FHOD3: variants seen among roughly 807,000 people sequenced by gnomAD.
FHOD3 encodes FH1/FH2 domain-containing protein 3.
In FHOD3, 90 loss-of-function variants were observed where a neutral mutation model predicts 173.0. The ratio of observed to expected loss-of-function variants is 0.52; its 90% CI spans 0.44 to 0.62. The LOEUF (loss-of-function observed/expected upper bound fraction) is 0.62, where lower values mean the gene tolerates loss of function less well. Among genes scored for constraint, FHOD3 ranks in the 20% least tolerant of loss-of-function variants. FHOD3 has a pLI of 0.00. For missense variants in FHOD3, 1,945 were observed against 2,034.7 expected (o/e 0.96, Z 0.85); for synonymous variants, 828 against 823.0 (o/e 1.01, Z -0.10).
chr18:36,461,301 A>G (rs576438511), intron 3 of FHOD3, among the ~76,000 whole-genome samples: 2 of 152,138 alleles, frequency 1.3e-5, no homozygotes, highest in East Asian at 3.9e-4. Context: ...GAAGGAACTC[A>G]CCAATAATGG....
chr18:36,405,040 C>T (rs1355767394), intron 3 of FHOD3, among the ~76,000 whole-genome samples: 1 of 152,194 alleles, frequency 6.6e-6, no homozygotes, highest in East Asian at 1.9e-4. Flanking sequence ...CTGAGAACCA[C>T]TGAGCTAAGG....
chr18:36,563,586 C>G (rs1167286813), intron 5 of FHOD3, among the ~76,000 whole-genome samples: 1 of 152,206 alleles, frequency 6.6e-6, no homozygotes, highest in Non-Finnish European at 1.5e-5. Flanking sequence ...ACTTGTCTTC[C>G]ATCTTATGAC....
At chr18:36,307,013 G>A (rs548048740) in intron 1 of FHOD3, among the ~76,000 whole-genome samples, 1 of 152,226 alleles carries the variant, frequency 6.6e-6, no homozygotes, top group South Asian at 2.1e-4. Context: ...GCCCAGGCTG[G>A]CATGCAGTGG....
At chr18:36,387,367 TAGCCCTGC>T (rs1203676653) in intron 3 of FHOD3, among the ~76,000 whole-genome samples, 1 of 152,210 alleles carries the variant, frequency 6.6e-6, no homozygotes, top group African/African-American at 2.4e-5. Flanking sequence ...TGGCATCTGG[TAGCCCTGC>T]AGGTTTTCAT....
At chr18:36,639,008 C>T (rs1014834093) in intron 10 of FHOD3, among the ~76,000 whole-genome samples, 1 of 152,150 alleles carries the variant, frequency 6.6e-6, no homozygotes, top group African/African-American at 2.4e-5. Context: ...TCTTCCATTC[C>T]AGTGTATTTT....
rs537059987 is a variant in FHOD3 at position 36,770,400 on chromosome 18, T to A, written c.4786+974T>A. Among the ~76,000 whole-genome samples, 4 of 152,244 alleles carry A rather than the reference T, an allele frequency of 2.6e-5. No individual in the cohort carries two copies. In the South Asian group the frequency reaches 8.3e-4, roughly 32 times the overall value. Reference sequence around the variant, plus strand: ...AGATTCACACAGGAGGTGACCAGGGTGTGGCCTGTGTATGTTGGACCCAGT... The same window carrying A: ...AGATTCACACAGGAGGTGACCAGGGAGTGGCCTGTGTATGTTGGACCCAGT... On this transcript the variant is annotated intron_variant, in intron 28 of 28. Coordinates refer to ENST00000590592, the MANE Select transcript of FHOD3 (RefSeq NM_001281740.3).
intron 6 of FHOD3, among the ~76,000 whole-genome samples, chr18:36,593,236 G>T (rs967966339): frequency 6.6e-6 from 1 of 152,212 alleles, no homozygotes; most frequent in African/African-American, 2.4e-5. Context: ...AATCCCAGTG[G>T]TGGTGATGGA....
intron 24 of FHOD3, 125 bp downstream of exon 24, chr18:36,747,260 C>T: frequency 3.2e-6 from 2 of 618,688 alleles, no homozygotes; most frequent in Middle Eastern, 4.5e-4. Context: ...ATAGCAAGTA[C>T]ACTGATGATA....
At chr18:36,597,954 A>G (rs936767679) in intron 7 of FHOD3, among the ~76,000 whole-genome samples, 1 of 152,210 alleles carries the variant, frequency 6.6e-6, no homozygotes, top group Non-Finnish European at 1.5e-5. Context: ...TTCTACTGCT[A>G]GTAGAATTGT....
At chr18:36,737,297 G>A (rs1023536242) in intron 20 of FHOD3, among the ~76,000 whole-genome samples, 12 of 152,224 alleles carry the variant, frequency 7.9e-5, no homozygotes, top group African/African-American at 1.2e-4. Flanking sequence ...AGTGTTGACA[G>A]TTTTTCATTT....
At chr18:36,608,759 C>T (rs1361515196) in intron 8 of FHOD3, among the ~76,000 whole-genome samples, 1 of 152,138 alleles carries the variant, frequency 6.6e-6, no homozygotes, top group African/African-American at 2.4e-5. Flanking sequence ...GTAAGTAACC[C>T]TTTGAGGCTG....
intron 3 of FHOD3, among the ~76,000 whole-genome samples, chr18:36,492,285 C>A (rs185506234): frequency 1.6e-4 from 24 of 152,278 alleles, no homozygotes; most frequent in Admixed American, 1.4e-3. Flanking sequence ...CATCCCCAGG[C>A]TCACAGGTTC....
At chr18:36,439,521 ATGTGTGTGTGTGTG>A (rs33931333) in intron 3 of FHOD3, among the ~76,000 whole-genome samples, 1,990 of 144,808 alleles carry the variant, frequency 0.014, 42 homozygotes, top group African/African-American at 0.046. Flanking sequence ...AACCAATAGA[ATGTGTGTGTGTGTG>A]TGTGTGTGTG....
At chr18:36,359,901 T>G (rs2046528237) in intron 2 of FHOD3, among the ~76,000 whole-genome samples, 1 of 152,240 alleles carries the variant, frequency 6.6e-6, no homozygotes, top group African/African-American at 2.4e-5. Context: ...TTAGCCTCTG[T>G]TATAATTACA....
intron 3 of FHOD3, among the ~76,000 whole-genome samples, chr18:36,500,823 G>A (rs758791130): frequency 9.9e-5 from 15 of 152,160 alleles, no homozygotes; most frequent in Non-Finnish European, 1.8e-4. Flanking sequence ...GTAAACATGC[G>A]TTGGGTGATT....
intron 10 of FHOD3, among the ~76,000 whole-genome samples, chr18:36,634,446 A>G (rs2034733783): frequency 6.6e-6 from 1 of 152,170 alleles, no homozygotes. Context: ...TGCCAGGATT[A>G]GAGAATTCAT....
chr18:36,698,748 A>T (rs2149550147), intron 17 of FHOD3, among the ~76,000 whole-genome samples: 1 of 152,360 alleles, frequency 6.6e-6, no homozygotes, highest in African/African-American at 2.4e-5. Context: ...CAGAAGACAC[A>T]AAATTCCTGG....
At chr18:36,775,589 G>A (rs2043591922) in intron 28 of FHOD3, among the ~76,000 whole-genome samples, 1 of 152,206 alleles carries the variant, frequency 6.6e-6, no homozygotes, top group Admixed American at 6.5e-5. Flanking sequence ...TAAACACTCA[G>A]TAAATGGTGG....
intron 5 of FHOD3, among the ~76,000 whole-genome samples, chr18:36,563,365 T>C (rs753468203): frequency 1.3e-5 from 2 of 152,198 alleles, no homozygotes; most frequent in African/African-American, 2.4e-5. Context: ...AGACACTTCA[T>C]AATACACCCC....
Sources: allele counts gnomAD v4.1 joint callset (sites outside exome capture counted in the v4.1 genomes callset), GRCh38; gene constraint gnomAD v4.1.1; transcripts MANE v1.5; gene names NCBI Gene and HGNC (gene_info 2026-07-23, HGNC 2026-07-21).